The following CCDC172 variants were observed in gnomAD, a reference collection of about 807,000 sequenced individuals.
CCDC172 encodes the protein coiled-coil domain-containing protein 172.
In CCDC172, 30 loss-of-function variants were observed where a neutral mutation model predicts 38.0. The observed-to-expected ratio is 0.79, with a 90% CI of 0.59 to 1.07. The LOEUF is 1.07. CCDC172 is among the 50% of genes least tolerant of loss of function. The pLI is 0.00. For synonymous variants in CCDC172, 78 were observed against 88.3 expected, an observed-to-expected ratio of 0.88 and a Z score of 0.66; for missense variants, 297 against 290.1, an observed-to-expected ratio of 1.02 and a Z score of -0.17.
At chr10:116,343,534 A>AG (rs1555179383) in intron 5 of CCDC172, among the ~76,000 whole-genome samples, 1 of 134,422 alleles carries the variant, frequency 7.4e-6, no homozygotes, top group Non-Finnish European at 1.6e-5. Context: ...TTTTTTTTTA[A>AG]AAAAATATAT....
intron 7 of CCDC172, among the ~76,000 whole-genome samples, chr10:116,375,282 A>G (rs1266993732): frequency 6.6e-6 from 1 of 151,960 alleles, no homozygotes; most frequent in African/African-American, 2.4e-5. Flanking sequence ...GGTTTCCTTT[A>G]GAGAATATTT....
chr10:116,362,620 C>T (rs1845078201), intron 7 of CCDC172, among the ~76,000 whole-genome samples: 1 of 152,156 alleles, frequency 6.6e-6, no homozygotes, highest in Non-Finnish European at 1.5e-5. Context: ...CAGAGAAGCT[C>T]AAAGTAGACA....
At chr10:116,333,373 T>C (rs1286705717) in intron 3 of CCDC172, among the ~76,000 whole-genome samples, 1 of 152,208 alleles carries the variant, frequency 6.6e-6, no homozygotes, top group Non-Finnish European at 1.5e-5. Context: ...CAATTTCTAG[T>C]GTTCTTGTAG....
intron 5 of CCDC172, among the ~76,000 whole-genome samples, chr10:116,352,784 AAAG>A (rs976814297): frequency 1.3e-5 from 2 of 152,100 alleles, no homozygotes; most frequent in Admixed American, 6.6e-5. Context: ...GGAAAAAAAA[AAAG>A]AGAAAAAGAA....
At chr10:116,346,510 A>C (rs113391312) in intron 5 of CCDC172, among the ~76,000 whole-genome samples, 2,246 of 152,204 alleles carry the variant, frequency 0.015, 44 homozygotes, top group African/African-American at 0.051. Flanking sequence ...TGAACTGTGA[A>C]GGGTCACAAA....
At chr10:116,353,308 C>T (rs958560870) in intron 5 of CCDC172, among the ~76,000 whole-genome samples, 7 of 151,942 alleles carry the variant, frequency 4.6e-5, no homozygotes, top group South Asian at 2.1e-4. Flanking sequence ...TAAGAAAATA[C>T]GGGTGTAACT....
chr10:116,368,016 G>A (rs1443780386), intron 7 of CCDC172, among the ~76,000 whole-genome samples: 2 of 152,044 alleles, frequency 1.3e-5, no homozygotes, highest in African/African-American at 2.4e-5. Flanking sequence ...GTTCCTTTGA[G>A]ATTATATGCA....
chr10:116,361,415 A>C (rs1323582469), intron 7 of CCDC172, among the ~76,000 whole-genome samples: 1 of 152,176 alleles, frequency 6.6e-6, no homozygotes, highest in Non-Finnish European at 1.5e-5. Context: ...TTTCACCACA[A>C]AACTTCCTTC....
intron 8 of CCDC172, among the ~76,000 whole-genome samples, chr10:116,378,925 G>A (rs530527918): frequency 8.2e-4 from 125 of 152,056 alleles, no homozygotes; most frequent in Middle Eastern, 3.5e-3. Context: ...TTCTTATTGC[G>A]TATTTGTATA....
At chr10:116,361,004 T>C (rs1048230227) in intron 7 of CCDC172, among the ~76,000 whole-genome samples, 1 of 151,300 alleles carries the variant, frequency 6.6e-6, no homozygotes. Flanking sequence ...AAGAGTATTA[T>C]ATATTGGGCC....
At chr10:116,366,031 T>C (rs1425870293) in intron 7 of CCDC172, among the ~76,000 whole-genome samples, 1 of 152,200 alleles carries the variant, frequency 6.6e-6, no homozygotes, top group Non-Finnish European at 1.5e-5. Flanking sequence ...TTTCCTGTTG[T>C]TAAACGATGT....
chr10:116,324,871 T>C, intron 1 of CCDC172, 76 bp from the exon 2 acceptor site: 1 of 682,540 alleles, frequency 1.5e-6, no homozygotes, highest in Non-Finnish European at 2.5e-6. Context: ...CTTGCTGGGC[T>C]GGCGACAGAG....
chr10:116,375,273 G>A (rs1207779471), intron 7 of CCDC172, among the ~76,000 whole-genome samples: 2 of 151,830 alleles, frequency 1.3e-5, no homozygotes, highest in African/African-American at 4.8e-5. Context: ...ATTTTTTCAG[G>A]TTTCCTTTAG....
intron 7 of CCDC172, among the ~76,000 whole-genome samples, chr10:116,369,979 G>T (rs7099441): frequency 0.22 from 33,401 of 151,584 alleles, 5,427 homozygotes; most frequent in African/African-American, 0.42. Flanking sequence ...TTTATGCCTT[G>T]AAGAACCATT....
intron 7 of CCDC172, among the ~76,000 whole-genome samples, chr10:116,362,117 G>A (rs1442992064): frequency 6.6e-6 from 1 of 152,190 alleles, no homozygotes; most frequent in African/African-American, 2.4e-5. Flanking sequence ...GTGAACCTGA[G>A]AGGCAGAGCT....
chr10:116,357,169 G>T (rs1845007538), intron 5 of CCDC172, among the ~76,000 whole-genome samples: 1 of 151,938 alleles, frequency 6.6e-6, no homozygotes, highest in Non-Finnish European at 1.5e-5. Context: ...CATGGGGATT[G>T]CATTGACTCT....
At chr10:116,347,734 T>C (rs182540589) in intron 5 of CCDC172, among the ~76,000 whole-genome samples, 162 of 152,184 alleles carry the variant, frequency 1.1e-3, no homozygotes, top group African/African-American at 3.7e-3. Flanking sequence ...GCCAGTAAAA[T>C]TAGAAACACA....
chr10:116,372,577 A>G (rs1432460134), intron 7 of CCDC172, among the ~76,000 whole-genome samples: 1 of 152,102 alleles, frequency 6.6e-6, no homozygotes, highest in African/African-American at 2.4e-5. Context: ...TTTTAGATTT[A>G]CCATAGTGCA....
At chr10:116,334,467 T>C (rs1844705028) in intron 3 of CCDC172, among the ~76,000 whole-genome samples, 1 of 152,134 alleles carries the variant, frequency 6.6e-6, no homozygotes, top group South Asian at 2.1e-4. Context: ...TCTTTCAAAA[T>C]TGTTTAAATG....
Sources: gnomAD v4.1 joint callset for allele counts (sites outside exome capture counted in the v4.1 genomes callset) on GRCh38, gnomAD v4.1.1 for gene constraint, MANE v1.5 for transcripts, NCBI Gene and HGNC (gene_info 2026-07-23, HGNC 2026-07-21) for gene names.